Variants in ARG2 observed in about 807,000 individuals in gnomAD.
ARG2 encodes arginase-2, mitochondrial.
In ARG2, 21 loss-of-function variants were observed where a neutral mutation model predicts 39.4. The ratio of observed to expected loss-of-function variants is 0.53; its 90% CI spans 0.38 to 0.77. ARG2 has a LOEUF of 0.77. Among genes scored for constraint, ARG2 ranks in the 30% least tolerant of loss-of-function variants. ARG2 has a pLI of 0.00. For synonymous variants in ARG2, 150 were observed against 156.7 expected (o/e 0.96, Z 0.32); for missense variants, 378 against 426.2 (o/e 0.89, Z 1.00).
chr14:67,636,272 A>C (rs903833427), intron 2 of ARG2, among the ~76,000 whole-genome samples: 14 of 151,816 alleles, frequency 9.2e-5, no homozygotes, highest in African/African-American at 2.7e-4. Flanking sequence ...AAAAAAAAAA[A>C]CCCAAAAAAC....
chr14:67,637,948 G>A (rs1376951119), intron 2 of ARG2, among the ~76,000 whole-genome samples: 1 of 152,194 alleles, frequency 6.6e-6, no homozygotes, highest in Admixed American at 6.5e-5. Flanking sequence ...GTCTTGAAAA[G>A]AGGAGGTGTG....
At chr14:67,631,413 T>C (rs2036916419) in intron 2 of ARG2, among the ~76,000 whole-genome samples, 4 of 151,358 alleles carry the variant, frequency 2.6e-5, no homozygotes, top group South Asian at 4.2e-4. Context: ...CAAATTCCTC[T>C]AGTAAATCCT....
chr14:67,645,177 CTT>C (rs879488836), intron 3 of ARG2, among the ~76,000 whole-genome samples: 2 of 143,512 alleles, frequency 1.4e-5, no homozygotes, highest in Non-Finnish European at 1.5e-5. Context: ...ACCTAGATTT[CTT>C]TTTTTTTTTT....
rs377149329 is a variant in ARG2, at chr14:67,642,382, G to A, written c.362+19G>A. On this transcript the variant is annotated intron_variant, in intron 3 of 7. Transcript: ENST00000261783. ...ACCACAGGTAAGCTGGGAGCCAGGC[G>A]TGGTGAGGGGATGGATTACATGGTG... The A allele has an allele frequency of 8.1e-6, 13 of 1,612,268 alleles. No homozygotes were observed. The highest frequency in any genetic ancestry group is 3.3e-5 in the Admixed American group (2 of 59,942).
intron 3 of ARG2, among the ~76,000 whole-genome samples, chr14:67,642,851 G>A (rs531555554): frequency 3.1e-4 from 38 of 122,926 alleles, no homozygotes; most frequent in Non-Finnish European, 5.7e-4. Context: ...TGCCCAGGCT[G>A]GAGTACAGTG....
At chr14:67,622,019 C>G (rs930608507) in intron 2 of ARG2, among the ~76,000 whole-genome samples, 11 of 152,038 alleles carry the variant, frequency 7.2e-5, no homozygotes, top group African/African-American at 2.4e-4. Flanking sequence ...ATTGCTTGAA[C>G]CTGGGAGGCA....
chr14:67,649,919 G>A (rs149874834), intron 7 of ARG2: 48 of 152,286 alleles, frequency 3.2e-4, no homozygotes, highest in African/African-American at 9.4e-4. Flanking sequence ...GGCATTTAGA[G>A]GGGTGAGCAT....
intron 2 of ARG2, among the ~76,000 whole-genome samples, chr14:67,623,410 C>T (rs1486662273): frequency 3.3e-5 from 5 of 152,124 alleles, no homozygotes; most frequent in South Asian, 2.1e-4. Flanking sequence ...CACAGGCTGC[C>T]GGTGTTACCA....
intron 3 of ARG2, among the ~76,000 whole-genome samples, chr14:67,644,520 G>C (rs2037071561): frequency 6.6e-6 from 1 of 152,162 alleles, no homozygotes; most frequent in South Asian, 2.1e-4. Flanking sequence ...TATTGACCAA[G>C]AAGGATGGTT....
intron 2 of ARG2, among the ~76,000 whole-genome samples, chr14:67,622,984 C>T (rs2036826474): frequency 6.6e-6 from 1 of 152,202 alleles, no homozygotes; most frequent in Admixed American, 6.5e-5. Context: ...GGAAGCCATT[C>T]TCCTGTAAAT....
intron 2 of ARG2, among the ~76,000 whole-genome samples, chr14:67,632,219 T>C (rs2036925666): frequency 6.6e-6 from 1 of 152,204 alleles, no homozygotes; most frequent in Non-Finnish European, 1.5e-5. Context: ...TTTTTCCTCC[T>C]AACTGCAAAC....
chr14:67,639,923 T>TC (rs1229973852), intron 2 of ARG2, among the ~76,000 whole-genome samples: 44 of 43,170 alleles, frequency 1.0e-3, no homozygotes, highest in Non-Finnish European at 1.6e-3. Flanking sequence ...AGACCCTGTC[T>TC]CAAAAAAAAA....
At chr14:67,642,597 G>A (rs2037045709) in intron 3 of ARG2, among the ~76,000 whole-genome samples, 1 of 152,092 alleles carries the variant, frequency 6.6e-6, no homozygotes, top group Non-Finnish European at 1.5e-5. Context: ...TTCAGACACA[G>A]CAAGTTCAGA....
Position 67,632,860 on chromosome 14 carries a change from G to T in ARG2, c.185-9326G>T, listed in dbSNP as rs1262078847. Among the ~76,000 whole-genome samples, 3 of 110,458 alleles carry T rather than the reference G, an allele frequency of 2.7e-5. No homozygotes were observed. In the East Asian group the frequency reaches 8.9e-4, roughly 33 times the overall value. The allele number at this position is 110,458 out of a possible 152,430, so 72.5% of individuals were successfully genotyped here. A position where few individuals can be genotyped will look rare whatever the true frequency, so the allele number is the denominator to read the frequency against. ...TTTTGAGGCAGAGTCTCGCTCTATC[G>T]CTCAGGCTGGAGTGCAGTGGCGTGA... is the stretch of plus-strand genomic sequence containing the variant. On this transcript the variant is annotated intron_variant, in intron 2 of 7. Coordinates refer to ENST00000261783, the MANE Select transcript of ARG2 (RefSeq NM_001172.4).
chr14:67,635,074 G>A (rs1274779503), intron 2 of ARG2, among the ~76,000 whole-genome samples: 1 of 151,388 alleles, frequency 6.6e-6, no homozygotes, highest in African/African-American at 2.5e-5. Flanking sequence ...GCGAAATCTT[G>A]TCTCTACAAA....
At chr14:67,645,578 G>C (rs973305447) in intron 3 of ARG2, 65 bp from the exon 4 acceptor site, 1 of 1,553,754 alleles carries the variant, frequency 6.4e-7, no homozygotes, top group African/African-American at 1.4e-5. Context: ...TTTTGGCTGA[G>C]GACGTTTGTT....
At chr14:67,645,063 T>C (rs1178818389) in intron 3 of ARG2, among the ~76,000 whole-genome samples, 1 of 151,386 alleles carries the variant, frequency 6.6e-6, no homozygotes, top group Non-Finnish European at 1.5e-5. Context: ...TACATCTTTT[T>C]ACTCAGTGGT....
chr14:67,645,247 C>G (rs368577828), intron 3 of ARG2, among the ~76,000 whole-genome samples: 44 of 151,886 alleles, frequency 2.9e-4, no homozygotes, highest in African/African-American at 1.0e-3. Context: ...CCCCTGGGCT[C>G]ATGTGATCCT....
chr14:67,622,879 G>A (rs1341003665), intron 2 of ARG2, among the ~76,000 whole-genome samples: 7 of 152,182 alleles, frequency 4.6e-5, no homozygotes, highest in Admixed American at 4.6e-4. Context: ...TGCTGAATGA[G>A]GGGGAAGGGC....
Sources: allele counts gnomAD v4.1 joint callset (sites outside exome capture counted in the v4.1 genomes callset), GRCh38; gene constraint gnomAD v4.1.1; transcripts MANE v1.5; gene names NCBI Gene and HGNC (gene_info 2026-07-23, HGNC 2026-07-21).